Variants in KIF13B observed in about 807,000 individuals in gnomAD.
The protein encoded by KIF13B is kinesin family member 13B.
In KIF13B, 127 loss-of-function variants were observed where a neutral mutation model predicts 222.0. The ratio of observed to expected loss-of-function variants is 0.57; its 90% CI spans 0.50 to 0.66. The LOEUF (loss-of-function observed/expected upper bound fraction) is 0.66, where lower values mean the gene tolerates loss of function less well. Ranked by LOEUF, KIF13B falls within the 30% of genes least tolerant of loss-of-function variation. The pLI is 0.00. For missense variants in KIF13B, 2,173 were observed against 2,379.0 expected (o/e 0.91, Z 1.80); for synonymous variants, 976 against 919.0 (o/e 1.06, Z -1.12).
In KIF13B at chr8:29,076,400, G is replaced by A. The variant is rs571600784; in HGVS notation, c.4459-1057C>T. Reference sequence around the variant, plus strand: ...CTGAACTTTAACTGCCCAGAGATGTGGACTCCACGTCTCCCACCTCCCTTC... The same window carrying A: ...CTGAACTTTAACTGCCCAGAGATGTAGACTCCACGTCTCCCACCTCCCTTC... On this transcript the variant is annotated intron_variant, in intron 37 of 39. Coordinates refer to ENST00000524189, the MANE Select transcript of KIF13B (RefSeq NM_015254.4). 2.0e-5 allele frequency among the ~76,000 whole-genome samples: 3 copies of A among 152,304 alleles called. No individual in the cohort carries two copies. The East Asian group carries it at 5.8e-4, about 29-fold the overall frequency.
At chr8:29,248,871 G>A (rs751862586) in intron 1 of KIF13B, among the ~76,000 whole-genome samples, 3 of 152,144 alleles carry the variant, frequency 2.0e-5, no homozygotes, top group Non-Finnish European at 2.9e-5. Context: ...TGTTGTCTAG[G>A]GCCAAGGAGT....
Position 29,132,425 on chromosome 8 carries a change from A to G in KIF13B, c.2825T>C (p.Leu942Pro). ...TTCAATTGCCAATGCTCCTTCGGAAAGATGCTCGATAAAGTCTTCGGTGAT... is the reference window on the plus strand; with the variant it reads ...TTCAATTGCCAATGCTCCTTCGGAAGGATGCTCGATAAAGTCTTCGGTGAT... ...VNITEDFIEHLSEGALAIEVY... is the reference protein window; with the variant it reads ...VNITEDFIEHPSEGALAIEVY... The change falls in exon 23 of 40, where the codon CTT becomes CCT. Residue 942 changes from leucine to proline, a missense_variant. This residue lies in a region of KIF13B where 1,480 missense variants were observed against 1,722.8 expected (regional missense o/e 0.86). Coordinates refer to ENST00000524189, the MANE Select transcript of KIF13B (RefSeq NM_015254.4). 1.9e-6 allele frequency: 3 copies of G among 1,577,054 alleles called. No homozygotes were observed. Among genetic ancestry groups the G allele is most frequent in the Non-Finnish European group, 2.6e-6 (3 of 1,160,268 alleles).
chr8:29,146,263 G>T, intron 18 of KIF13B, 115 bp downstream of exon 18: 3 of 1,020,328 alleles, frequency 2.9e-6, no homozygotes, highest in Non-Finnish European at 4.6e-6. Flanking sequence ...GGAGGACAAA[G>T]GATCTGGACT....
At chr8:29,245,728 G>A (rs552169374) in intron 1 of KIF13B, among the ~76,000 whole-genome samples, 1 of 152,092 alleles carries the variant, frequency 6.6e-6, no homozygotes, top group African/African-American at 2.4e-5. Context: ...TCTAGTCAGG[G>A]CAGTTAGGCA....
intron 10 of KIF13B, among the ~76,000 whole-genome samples, chr8:29,173,611 C>A (rs1415884220): frequency 6.7e-6 from 1 of 149,982 alleles, no homozygotes; most frequent in Non-Finnish European, 1.5e-5. Context: ...AACAGAGAGA[C>A]CCTGTCTCCA....
rs71551621 is a variant in KIF13B at position 29,228,466 on chromosome 8, T to TAAAAAAAAA, written c.149+16879_149+16880insTTTTTTTTT. Among the ~76,000 whole-genome samples the TAAAAAAAAA allele has an allele frequency of 2.9e-4, 20 of 68,254 alleles. 1 individual carries two copies. Among genetic ancestry groups the TAAAAAAAAA allele is most frequent in the African/African-American group, 5.7e-4 (11 of 19,300 alleles). The allele number at this position is 68,254 out of a possible 152,430, so 44.8% of individuals were successfully genotyped here. ...TGGGTGACAGAGCCAGACTCCATCT[T>TAAAAAAAAA]AAAAAAATATATATATATATATATG... On this transcript the variant is annotated intron_variant, in intron 2 of 39. Coordinates refer to ENST00000524189, the MANE Select transcript of KIF13B (RefSeq NM_015254.4).
intron 24 of KIF13B, among the ~76,000 whole-genome samples, chr8:29,127,807 A>G (rs187167020): frequency 9.2e-5 from 14 of 152,284 alleles, no homozygotes; most frequent in African/African-American, 2.6e-4. Context: ...ATAATCATAC[A>G]TATACACAAA....
intron 18 of KIF13B, among the ~76,000 whole-genome samples, chr8:29,144,459 T>C (rs1410327377): frequency 6.6e-6 from 1 of 152,096 alleles, no homozygotes; most frequent in South Asian, 2.1e-4. Context: ...GGTTTCATCA[T>C]ATTGGCCAGG....
At chr8:29,244,254 C>T (rs1336102876) in intron 2 of KIF13B, among the ~76,000 whole-genome samples, 3 of 152,346 alleles carry the variant, frequency 2.0e-5, no homozygotes, top group Non-Finnish European at 4.4e-5. Context: ...ACCTCATGAT[C>T]TGCCCACCTT....
At chr8:29,192,559 T>G (rs2130358339) in intron 3 of KIF13B, among the ~76,000 whole-genome samples, 1 of 152,300 alleles carries the variant, frequency 6.6e-6, no homozygotes, top group Non-Finnish European at 1.5e-5. Context: ...CTAAATTTGT[T>G]TTTGAGTTTG....
At chr8:29,080,984 A>G (rs894536385) in intron 37 of KIF13B, among the ~76,000 whole-genome samples, 5 of 152,202 alleles carry the variant, frequency 3.3e-5, no homozygotes, top group African/African-American at 4.8e-5. Context: ...TCCGAAAAAC[A>G]AAAGTGACCA....
At chr8:29,087,533 C>T (rs532962236) in intron 37 of KIF13B, among the ~76,000 whole-genome samples, 2 of 152,294 alleles carry the variant, frequency 1.3e-5, no homozygotes, top group South Asian at 4.1e-4. Context: ...AGTACAGTGA[C>T]AAGAGTATCA....
intron 2 of KIF13B, among the ~76,000 whole-genome samples, chr8:29,214,572 G>C (rs1050658975): frequency 6.6e-6 from 1 of 152,152 alleles, no homozygotes; most frequent in Non-Finnish European, 1.5e-5. Flanking sequence ...TGAAAGACCT[G>C]CCTGAGGCTG....
At chr8:29,244,731 T>TA (rs1815944905) in intron 2 of KIF13B, among the ~76,000 whole-genome samples, 1 of 152,282 alleles carries the variant, frequency 6.6e-6, no homozygotes, top group African/African-American at 2.4e-5. Context: ...TGCCCCAAAT[T>TA]CATGTTCTTC....
rs1323212891 is a variant in KIF13B at position 29,237,624 on chromosome 8, T to G, written c.149+7722A>C. On this transcript the variant is annotated intron_variant, in intron 2 of 39. Coordinates refer to ENST00000524189, the MANE Select transcript of KIF13B (RefSeq NM_015254.4). ...AAGCATGAGCAAAATAATATTTATA[T>G]TCAATGATAATGCTAAAATATCAAA... Among the ~76,000 whole-genome samples the G allele has an allele frequency of 7.9e-5, 12 of 152,228 alleles. 1 individual carries two copies. The highest frequency in any genetic ancestry group is 1.6e-4 in the Non-Finnish European group (11 of 68,034).
chr8:29,149,858 C>T (rs73224672), intron 15 of KIF13B, among the ~76,000 whole-genome samples: 21,487 of 151,976 alleles, frequency 0.14, 1,887 homozygotes, highest in Admixed American at 0.27. Flanking sequence ...ATCTGTCTAA[C>T]CCATTACAGT....
intron 2 of KIF13B, among the ~76,000 whole-genome samples, chr8:29,214,257 C>CT (rs1220775267): frequency 6.6e-6 from 1 of 151,972 alleles, no homozygotes; most frequent in East Asian, 1.9e-4. Context: ...ACTTTATAAA[C>CT]TTTTTTAACT....
intron 35 of KIF13B, among the ~76,000 whole-genome samples, chr8:29,100,645 C>A (rs1397128638): frequency 6.6e-6 from 1 of 152,082 alleles, no homozygotes; most frequent in Non-Finnish European, 1.5e-5. Flanking sequence ...GGGGGTGTTT[C>A]CTCCATGTTG....
intron 3 of KIF13B, among the ~76,000 whole-genome samples, chr8:29,191,622 T>C (rs1323157765): frequency 1.3e-5 from 2 of 152,254 alleles, no homozygotes; most frequent in South Asian, 4.1e-4. Flanking sequence ...AAAAACTATA[T>C]GCATAAAAAG....
Sources: gnomAD v4.1 joint callset for allele counts (sites outside exome capture counted in the v4.1 genomes callset) on GRCh38, gnomAD v4.1.1 for gene constraint, gnomAD v4.1.1 regional missense constraint, MANE v1.5 for transcripts, NCBI Gene and HGNC (gene_info 2026-07-23, HGNC 2026-07-21) for gene names.